Variants in CLSTN2 observed in about 807,000 individuals in gnomAD.
The protein encoded by CLSTN2 is calsyntenin 2.
A neutral mutation model predicts 101.2 loss-of-function variants in CLSTN2; 48 were observed. The ratio of observed to expected loss-of-function variants is 0.47; its 90% CI spans 0.38 to 0.60. CLSTN2 has a LOEUF of 0.60. Ranked by LOEUF, CLSTN2 falls within the 20% of genes least tolerant of loss-of-function variation. The pLI, the probability that CLSTN2 is intolerant of heterozygous loss-of-function variation, is 0.00. For missense variants in CLSTN2, 1,160 were observed against 1,238.2 expected (o/e 0.94, Z 0.95); for synonymous variants, 481 against 463.6 (o/e 1.04, Z -0.48).
intron 2 of CLSTN2, among the ~76,000 whole-genome samples, chr3:140,298,205 G>T (rs1021266978): frequency 6.6e-5 from 10 of 152,192 alleles, no homozygotes; most frequent in African/African-American, 2.4e-4. Context: ...TATACTAGCT[G>T]TGTGATTTTG....
At chr3:140,154,419 G>C (rs2009915920) in intron 1 of CLSTN2, among the ~76,000 whole-genome samples, 1 of 152,066 alleles carries the variant, frequency 6.6e-6, no homozygotes, top group Non-Finnish European at 1.5e-5. Flanking sequence ...ACCATGAGAA[G>C]TACTTTGGAC....
chr3:140,145,913 A>G (rs1457387214), intron 1 of CLSTN2, among the ~76,000 whole-genome samples: 2 of 152,232 alleles, frequency 1.3e-5, no homozygotes, highest in Non-Finnish European at 2.9e-5. Flanking sequence ...TATGAGTGAG[A>G]CTGCCTGGCC....
intron 4 of CLSTN2, among the ~76,000 whole-genome samples, chr3:140,409,953 A>T (rs2107982982): frequency 6.6e-6 from 1 of 152,206 alleles, no homozygotes; most frequent in Admixed American, 6.5e-5. Flanking sequence ...AGCAGAAGAA[A>T]GAATAAGCAA....
chr3:140,310,813 T>C (rs1245002435), intron 2 of CLSTN2, among the ~76,000 whole-genome samples: 1 of 152,240 alleles, frequency 6.6e-6, no homozygotes, highest in Non-Finnish European at 1.5e-5. Context: ...CACTAAATAT[T>C]GTCTATTATC....
intron 1 of CLSTN2, among the ~76,000 whole-genome samples, chr3:140,157,659 T>C (rs568506860): frequency 6.6e-6 from 1 of 152,304 alleles, no homozygotes; most frequent in Admixed American, 6.5e-5. Context: ...AATCTATCAG[T>C]CTTGTTTAAT....
intron 2 of CLSTN2, among the ~76,000 whole-genome samples, chr3:140,198,223 A>G (rs773745237): frequency 1.3e-5 from 2 of 152,238 alleles, no homozygotes; most frequent in Non-Finnish European, 2.9e-5. Flanking sequence ...GAACCAGACA[A>G]TGACTGTGTC....
At chr3:140,195,221 C>T (rs934332000) in intron 2 of CLSTN2, among the ~76,000 whole-genome samples, 2 of 152,136 alleles carry the variant, frequency 1.3e-5, no homozygotes, top group East Asian at 1.9e-4. Context: ...TGCTATGTTG[C>T]CATTTTCCTA....
chr3:139,999,087 C>T (rs2006760278), intron 1 of CLSTN2, among the ~76,000 whole-genome samples: 1 of 152,082 alleles, frequency 6.6e-6, no homozygotes, highest in Non-Finnish European at 1.5e-5. Context: ...TGGTGCCAGC[C>T]CTTTGGAGAG....
rs145429700 is a variant in CLSTN2 at position 140,201,792 on chromosome 3, A to G, written c.232+25719A>G. On this transcript the variant is annotated intron_variant, in intron 2 of 16. Coordinates refer to ENST00000458420, the MANE Select transcript of CLSTN2 (RefSeq NM_022131.3). ...ATAACAGACATAGCAAATTATATGC[A>G]CGCACACACACATGTATATGTGTGT... Among the ~76,000 whole-genome samples the G allele has an allele frequency of 4.3e-3, 650 of 152,046 alleles. 4 individuals carry two copies. Among genetic ancestry groups the G allele is most frequent in the African/African-American group, 0.015 (610 of 41,446 alleles).
At chr3:140,218,667 G>A (rs1298310023) in intron 2 of CLSTN2, among the ~76,000 whole-genome samples, 1 of 152,152 alleles carries the variant, frequency 6.6e-6, no homozygotes, top group Non-Finnish European at 1.5e-5. Context: ...CATAGCTTTG[G>A]ACCAATTAAG....
intron 6 of CLSTN2, among the ~76,000 whole-genome samples, chr3:140,458,280 C>T (rs760832867): frequency 1.1e-4 from 16 of 151,524 alleles, no homozygotes; most frequent in Non-Finnish European, 2.2e-4. Context: ...AGGTAATACA[C>T]ACAACCACTG....
At chr3:139,939,584 G>A (rs988056933) in intron 1 of CLSTN2, among the ~76,000 whole-genome samples, 1 of 152,192 alleles carries the variant, frequency 6.6e-6, no homozygotes. Context: ...GGGCATGCAG[G>A]TGAGGTGAGG....
At chr3:140,145,296 G>A (rs960328218) in intron 1 of CLSTN2, among the ~76,000 whole-genome samples, 7 of 152,192 alleles carry the variant, frequency 4.6e-5, no homozygotes, top group Non-Finnish European at 7.3e-5. Context: ...GAGCCCCAGG[G>A]AAATCCATAA....
intron 5 of CLSTN2, among the ~76,000 whole-genome samples, chr3:140,422,556 G>A (rs1356592052): frequency 6.6e-6 from 1 of 152,206 alleles, no homozygotes; most frequent in Middle Eastern, 3.2e-3. Flanking sequence ...GAGAGCCAGA[G>A]TTGTATGCCT....
At chr3:140,319,921 G>A (rs765241469) in intron 2 of CLSTN2, among the ~76,000 whole-genome samples, 5 of 152,224 alleles carry the variant, frequency 3.3e-5, no homozygotes, top group Admixed American at 6.5e-5. Context: ...CAAACAACTC[G>A]CAGCTGCTTT....
intron 1 of CLSTN2, among the ~76,000 whole-genome samples, chr3:139,970,091 C>A (rs1229365539): frequency 6.6e-6 from 1 of 152,130 alleles, no homozygotes; most frequent in Non-Finnish European, 1.5e-5. Context: ...GAGGGTAATA[C>A]AAAGTAGTGT....
At chr3:140,251,763 T>C (rs997578087) in intron 2 of CLSTN2, among the ~76,000 whole-genome samples, 2 of 152,206 alleles carry the variant, frequency 1.3e-5, no homozygotes, top group Non-Finnish European at 1.5e-5. Flanking sequence ...TCTGCCTTCA[T>C]GGGGCTCTGT....
intron 4 of CLSTN2, among the ~76,000 whole-genome samples, chr3:140,419,078 C>A (rs1472881893): frequency 1.3e-5 from 2 of 151,618 alleles, no homozygotes; most frequent in Admixed American, 1.3e-4. Context: ...TCTAATTTTC[C>A]AAGCTTTCTT....
chr3:140,318,497 T>C (rs1311955933), intron 2 of CLSTN2, among the ~76,000 whole-genome samples: 2 of 152,144 alleles, frequency 1.3e-5, no homozygotes, highest in Non-Finnish European at 2.9e-5. Flanking sequence ...GAAGAGCCCC[T>C]CTCGTATGTC....
Sources: allele counts gnomAD v4.1 joint callset (sites outside exome capture counted in the v4.1 genomes callset), GRCh38; gene constraint gnomAD v4.1.1; transcripts MANE v1.5; gene names NCBI Gene and HGNC (gene_info 2026-07-23, HGNC 2026-07-21).